The following EGFR variants were observed in gnomAD, a reference collection of about 807,000 sequenced individuals.
EGFR encodes avian erythroblastic leukemia viral (v-erb-b) oncogene homolog.
A neutral mutation model predicts 143.0 loss-of-function variants in EGFR; 58 were observed. That is an observed-to-expected ratio of 0.41 (90% CI 0.33 to 0.50). The LOEUF (loss-of-function observed/expected upper bound fraction) is 0.50, where lower values mean the gene tolerates loss of function less well. EGFR is among the 20% of genes least tolerant of loss of function. The pLI is 0.39. For synonymous variants in EGFR, 613 were observed against 594.4 expected, an observed-to-expected ratio of 1.03 and a Z score of -0.45; for missense variants, 1,307 against 1,579.0, an observed-to-expected ratio of 0.83 and a Z score of 2.92.
At chr7:55,117,857 G>A (rs1051033425) in intron 1 of EGFR, among the ~76,000 whole-genome samples, 4 of 152,094 alleles carry the variant, frequency 2.6e-5, no homozygotes, top group African/African-American at 9.7e-5. Context: ...AGATTTCCTA[G>A]GCCAAAACAC....
chr7:55,144,732 G>A (rs1794666562), intron 3 of EGFR, among the ~76,000 whole-genome samples: 2 of 152,146 alleles, frequency 1.3e-5, no homozygotes, highest in Non-Finnish European at 2.9e-5. Context: ...CGCCTCACAC[G>A]CTGTCTCGGA....
At chr7:55,090,331 C>T (rs1791036504) in intron 1 of EGFR, among the ~76,000 whole-genome samples, 1 of 152,124 alleles carries the variant, frequency 6.6e-6, no homozygotes, top group Non-Finnish European at 1.5e-5. Context: ...GGGTACACAG[C>T]GCTTGTGTGC....
intron 1 of EGFR, among the ~76,000 whole-genome samples, chr7:55,056,508 G>C (rs960324671): frequency 4.6e-5 from 7 of 152,164 alleles, no homozygotes; most frequent in Admixed American, 4.6e-4. Flanking sequence ...TTCACATATT[G>C]TTAGAATTCT....
intron 1 of EGFR, among the ~76,000 whole-genome samples, chr7:55,126,354 A>G (rs1327006667): frequency 2.6e-5 from 4 of 152,236 alleles, no homozygotes; most frequent in Admixed American, 6.5e-5. Context: ...AACCACTTAC[A>G]TGACCTAGAT....
intron 7 of EGFR, 40 bp downstream of exon 7, chr7:55,154,192 C>G (rs747713881): frequency 1.7e-5 from 28 of 1,613,958 alleles, no homozygotes; most frequent in Non-Finnish European, 2.3e-5. Flanking sequence ...GGTCAGGCAT[C>G]CTTGTCCCGC....
intron 9 of EGFR, 26 bp downstream of exon 9, chr7:55,156,685 A>C: frequency 6.2e-7 from 1 of 1,614,256 alleles, no homozygotes; most frequent in Middle Eastern, 1.6e-4. Context: ...AGTTGCTTGT[A>C]TAAAGAAAAA....
rs537832169 is a variant in EGFR at position 55,068,110 on chromosome 7, G to A, written c.88+48745G>A. 2.3e-4 allele frequency among the ~76,000 whole-genome samples: 33 copies of A among 145,554 alleles called. 2 individuals are homozygous for A. Among genetic ancestry groups the A allele is most frequent in the African/African-American group, 9.3e-4 (33 of 35,550 alleles). On this transcript the variant is annotated intron_variant, in intron 1 of 27. Transcript: ENST00000275493. ...TGCACAGGTGTGTATGTGTGTGCCT[G>A]TGTGTGTGTGTGCATGTGTGGTGGG...
chr7:55,121,457 C>G (rs1338191865), intron 1 of EGFR, among the ~76,000 whole-genome samples: 1 of 152,230 alleles, frequency 6.6e-6, no homozygotes, highest in Admixed American at 6.5e-5. Flanking sequence ...GTCCTACACA[C>G]CTTCTCATTT....
chr7:55,046,364 G>A lies in EGFR; in HGVS notation c.88+26999G>A, dbSNP rs533031766. ...TTTCTGACATTCTGCTCTCTACAAGGGGATATTATGTACACATAAACCTAC... is the reference window on the plus strand; with the variant it reads ...TTTCTGACATTCTGCTCTCTACAAGAGGATATTATGTACACATAAACCTAC... On this transcript the variant is annotated intron_variant, in intron 1 of 27. Coordinates refer to ENST00000275493, the MANE Select transcript of EGFR (RefSeq NM_005228.5). Among the ~76,000 whole-genome samples the A allele has an allele frequency of 2.0e-5, 3 of 152,198 alleles. No individual in the cohort carries two copies. The South Asian group carries it at 6.2e-4, about 32-fold the overall frequency.
intron 1 of EGFR, among the ~76,000 whole-genome samples, chr7:55,112,792 T>C (rs975215726): frequency 1.2e-4 from 18 of 152,194 alleles, no homozygotes; most frequent in Non-Finnish European, 2.9e-5. Context: ...CAGGTAGCCA[T>C]TGGTAGAGCA....
intron 1 of EGFR, among the ~76,000 whole-genome samples, chr7:55,019,890 G>A (rs1308904241): frequency 6.6e-6 from 1 of 152,154 alleles, no homozygotes; most frequent in Non-Finnish European, 1.5e-5. Flanking sequence ...CTCGGACCCC[G>A]CGGGACAGGC....
Position 55,206,721 on chromosome 7 carries a change from A to G in EGFR, c.*1104A>G, listed in dbSNP as rs781572133. 4 of 232,990 alleles carry G rather than the reference A, an allele frequency of 1.7e-5. No individual in the cohort carries two copies. The highest frequency in any genetic ancestry group is 3.4e-5 in the Non-Finnish European group (4 of 118,036). 14.4% of individuals were successfully genotyped at this position (232,990 alleles called of 1,614,324 possible). A position where few individuals can be genotyped will look rare whatever the true frequency, so the allele number is the denominator to read the frequency against. On this transcript the variant is annotated 3_prime_UTR_variant, in exon 28 of 28. Transcript: ENST00000275493. The stretch of plus-strand genomic sequence containing the variant: ...GTTTTCTCCTTTTACTTCACTTCAA[A>G]AGCTTTTTACTCAAAGAGTATATGT...
In EGFR at chr7:55,204,269, C is replaced by A. The variant is rs2692454; in HGVS notation, c.3272-987C>A. ...CACACACATACACACCACACACACA[C>A]CACACATACATACACATCCACACAC... On this transcript the variant is annotated intron_variant, in intron 27 of 27. Coordinates refer to ENST00000275493, the MANE Select transcript of EGFR (RefSeq NM_005228.5). Among the ~76,000 whole-genome samples, 143 of 146,096 alleles carry A rather than the reference C, an allele frequency of 9.8e-4. 1 individual carries two copies. The Middle Eastern group carries it at 0.015, about 15-fold the overall frequency.
At chr7:55,204,433 T>TACACACACACCACATATACACACA (rs1562809480) in intron 27 of EGFR, among the ~76,000 whole-genome samples, 1 of 142,058 alleles carries the variant, frequency 7.0e-6, no homozygotes, top group Admixed American at 7.1e-5. Context: ...TGTACACATG[T>TACACACACACCACATATACACACA]ACACACACAC....
intron 1 of EGFR, among the ~76,000 whole-genome samples, chr7:55,069,566 C>T (rs558375009): frequency 7.0e-4 from 107 of 152,332 alleles, no homozygotes; most frequent in Non-Finnish European, 1.3e-3. Flanking sequence ...ACGTACTTTA[C>T]CCCCAAGACC....
At chr7:55,110,006 C>T (rs17289434) in intron 1 of EGFR, 128,442 of 935,572 alleles carry the variant, frequency 0.14, 8,862 homozygotes, top group Middle Eastern at 0.18. Flanking sequence ...TGAGAGATAA[C>T]AGCATAAACA....
chr7:55,169,911 C>G (rs1786259944), intron 15 of EGFR, among the ~76,000 whole-genome samples: 1 of 152,210 alleles, frequency 6.6e-6, no homozygotes, highest in Non-Finnish European at 1.5e-5. Flanking sequence ...TTTCAATCTG[C>G]CCTCCCTCTG....
At chr7:55,198,574 G>A in intron 22 of EGFR, 143 bp from the exon 23 acceptor site, 1 of 1,244,016 alleles carries the variant, frequency 8.0e-7, no homozygotes, top group South Asian at 1.2e-5. Flanking sequence ...GAGGCTTCCA[G>A]CATTGAAGCA....
intron 1 of EGFR, among the ~76,000 whole-genome samples, chr7:55,074,639 G>T (rs572037133): frequency 5.3e-5 from 8 of 152,166 alleles, no homozygotes; most frequent in Non-Finnish European, 1.0e-4. Context: ...TATACGACAT[G>T]ATTAAAGAAT....
Sources: allele counts gnomAD v4.1 joint callset (sites outside exome capture counted in the v4.1 genomes callset), GRCh38; gene constraint gnomAD v4.1.1; transcripts MANE v1.5; gene names NCBI Gene and HGNC (gene_info 2026-07-23, HGNC 2026-07-21).